The following FOXP1 variants were observed in gnomAD, a reference collection of about 807,000 sequenced individuals.
FOXP1 encodes forkhead box protein P1.
Under a neutral mutation model 98.2 loss-of-function variants are expected in FOXP1, and 15 were observed. The ratio of observed to expected loss-of-function variants is 0.15; its 90% CI spans 0.10 to 0.24. The LOEUF is 0.24. Among genes scored for constraint, FOXP1 ranks in the 10% least tolerant of loss-of-function variants. The pLI is 1.00. For synonymous variants in FOXP1, 371 were observed against 314.5 expected, an observed-to-expected ratio of 1.18 and a Z score of -1.90; for missense variants, 633 against 848.5, an observed-to-expected ratio of 0.75 and a Z score of 3.15.
chr3:71,427,350 G>A (rs761129106), intron 3 of FOXP1, among the ~76,000 whole-genome samples: 1 of 152,202 alleles, frequency 6.6e-6, no homozygotes, highest in Non-Finnish European at 1.5e-5. Flanking sequence ...GGACACACGC[G>A]CAGGAGAGTG....
rs541948534 is a variant in FOXP1 at position 71,201,503 on chromosome 3, C to T, written c.-11-3111G>A. Among the ~76,000 whole-genome samples the T allele has an allele frequency of 7.9e-5, 12 of 152,124 alleles. No individual in the cohort carries two copies. In the East Asian group the frequency reaches 1.2e-3, roughly 15 times the overall value. On this transcript the variant is annotated intron_variant, in intron 5 of 20. Coordinates refer to ENST00000649528, the MANE Select transcript of FOXP1 (RefSeq NM_001349338.3). ...CTACTAAAAATACAAAAAAATTAGC[C>T]GGGCATGGTGGCACATGCCTGTAAT...
chr3:71,426,369 C>T (rs926992230), intron 3 of FOXP1, among the ~76,000 whole-genome samples: 3 of 152,074 alleles, frequency 2.0e-5, no homozygotes, highest in African/African-American at 4.8e-5. Context: ...ACCATGGAAA[C>T]GTATGGTATA....
intron 5 of FOXP1, among the ~76,000 whole-genome samples, chr3:71,257,265 T>C (rs1016999524): frequency 2.0e-5 from 3 of 152,032 alleles, no homozygotes; most frequent in African/African-American, 7.2e-5. Flanking sequence ...TGCAACACAG[T>C]TTTGGCAATA....
At chr3:71,369,208 T>C (rs924125359) in intron 3 of FOXP1, among the ~76,000 whole-genome samples, 2 of 151,812 alleles carry the variant, frequency 1.3e-5, no homozygotes, top group Non-Finnish European at 2.9e-5. Flanking sequence ...GCCAACATGG[T>C]GAAACCCCGT....
chr3:71,190,533 C>T (rs1408444627), intron 6 of FOXP1, among the ~76,000 whole-genome samples: 3 of 150,158 alleles, frequency 2.0e-5, no homozygotes, highest in African/African-American at 4.9e-5. Flanking sequence ...GTGGGAGAAT[C>T]GCTTGAGCCC....
chr3:71,064,935 G>T (rs922502881), intron 7 of FOXP1: 3 of 307,926 alleles, frequency 9.7e-6, no homozygotes, highest in African/African-American at 2.3e-5. Context: ...ACGCGCGCAG[G>T]GGCGCTCCGG....
intron 4 of FOXP1, among the ~76,000 whole-genome samples, chr3:71,321,121 CAAAAAAA>C (rs11293559): frequency 1.6e-5 from 2 of 122,000 alleles, no homozygotes; most frequent in Non-Finnish European, 1.7e-5. Context: ...TAGACTGTAC[CAAAAAAA>C]AAAAAAAAAA....
At chr3:71,012,244 C>G (rs995210344) in intron 12 of FOXP1, among the ~76,000 whole-genome samples, 1 of 152,124 alleles carries the variant, frequency 6.6e-6, no homozygotes. Context: ...AAACCTAGCA[C>G]TGGTGTAGAA....
intron 7 of FOXP1, among the ~76,000 whole-genome samples, chr3:71,054,062 T>C (rs1272007512): frequency 2.0e-5 from 3 of 152,248 alleles, no homozygotes; most frequent in African/African-American, 4.8e-5. Flanking sequence ...GATACGACAG[T>C]TCTCAATTGC....
At chr3:71,517,554 G>T (rs887187392) in intron 2 of FOXP1, among the ~76,000 whole-genome samples, 18 of 152,188 alleles carry the variant, frequency 1.2e-4, no homozygotes, top group African/African-American at 4.3e-4. Context: ...ATCAACTCGA[G>T]ATTTTTCATC....
At chr3:71,518,549 T>C (rs1354784252) in intron 2 of FOXP1, among the ~76,000 whole-genome samples, 1 of 152,208 alleles carries the variant, frequency 6.6e-6, no homozygotes, top group Non-Finnish European at 1.5e-5. Context: ...GTAAGTGATA[T>C]ATACTACTTC....
chr3:71,288,127 G>A (rs1052259356), intron 5 of FOXP1, among the ~76,000 whole-genome samples: 4 of 152,128 alleles, frequency 2.6e-5, no homozygotes, highest in South Asian at 2.1e-4. Flanking sequence ...TGATCTGCCC[G>A]TCTCGGCCTC....
chr3:71,065,793 A>G (rs2052409816), intron 7 of FOXP1: 1 of 152,218 alleles, frequency 6.6e-6, no homozygotes, highest in Non-Finnish European at 1.5e-5. Context: ...TCTCTATTAG[A>G]AATAGTCACT....
intron 4 of FOXP1, chr3:71,329,845 T>C (rs182655339): frequency 1.3e-5 from 2 of 152,316 alleles, no homozygotes; most frequent in Admixed American, 1.3e-4. Flanking sequence ...AATGTTAATA[T>C]TTGATATCAG....
At chr3:71,219,499 T>G (rs900900563) in intron 5 of FOXP1, among the ~76,000 whole-genome samples, 1 of 152,238 alleles carries the variant, frequency 6.6e-6, no homozygotes, top group Non-Finnish European at 1.5e-5. Context: ...CTTGAACAAC[T>G]TGGGTATGTG....
At chr3:71,505,415 CTTTTTTTTTTTT>C (rs66459828) in intron 2 of FOXP1, among the ~76,000 whole-genome samples, 2 of 82,112 alleles carry the variant, frequency 2.4e-5, no homozygotes, top group Admixed American at 1.4e-4. Flanking sequence ...AAGAGGGATG[CTTTTTTTTTTTT>C]TTTTTTTTTT....
At chr3:71,497,343 CAGGAGAA>C (rs957492946) in intron 2 of FOXP1, among the ~76,000 whole-genome samples, 10 of 152,072 alleles carry the variant, frequency 6.6e-5, no homozygotes, top group African/African-American at 2.4e-4. Context: ...AAACAATTTC[CAGGAGAA>C]AGTTTTTTGA....
intron 6 of FOXP1, among the ~76,000 whole-genome samples, chr3:71,183,510 AAAAC>A (rs2062458399): frequency 6.6e-6 from 1 of 152,184 alleles, no homozygotes; most frequent in Non-Finnish European, 1.5e-5. Flanking sequence ...AAAACAAAAC[AAAAC>A]AAAAAAAACC....
At chr3:71,498,704 A>G (rs2041096696) in intron 2 of FOXP1, among the ~76,000 whole-genome samples, 1 of 152,196 alleles carries the variant, frequency 6.6e-6, no homozygotes, top group African/African-American at 2.4e-5. Context: ...AACTGACATC[A>G]TATGCTGAGC....
Sources: allele counts gnomAD v4.1 joint callset (sites outside exome capture counted in the v4.1 genomes callset), GRCh38; gene constraint gnomAD v4.1.1; transcripts MANE v1.5; gene names NCBI Gene and HGNC (gene_info 2026-07-23, HGNC 2026-07-21).